FGF14: variants seen among roughly 807,000 people sequenced by gnomAD.
The protein encoded by FGF14 is fibroblast growth factor 14, also known as fibroblast growth factor homologous factor 4.
FGF14 carries 5 observed loss-of-function variants against 25.5 expected under a neutral mutation model. The observed-to-expected ratio is 0.20, with a 90% CI of 0.10 to 0.41. FGF14 has a LOEUF of 0.41. FGF14 is among the 10% of genes least tolerant of loss of function. FGF14 has a pLI of 1.00. For synonymous variants in FGF14, 138 were observed against 118.3 expected (o/e 1.17, Z -1.08); for missense variants, 222 against 320.1 (o/e 0.69, Z 2.34).
intron 1 of FGF14, among the ~76,000 whole-genome samples, chr13:102,061,706 CAT>C (rs1478422999): frequency 1.3e-5 from 2 of 152,204 alleles, no homozygotes; most frequent in Non-Finnish European, 2.9e-5. Flanking sequence ...AGAACTGACA[CAT>C]GTGGCCTCCA....
intron 1 of FGF14, among the ~76,000 whole-genome samples, chr13:102,206,376 TTCTTA>T (rs773529853): frequency 6.6e-6 from 1 of 152,126 alleles, no homozygotes; most frequent in African/African-American, 2.4e-5. Context: ...AAAAGAATCT[TTCTTA>T]AAATTATATT....
intron 1 of FGF14, among the ~76,000 whole-genome samples, chr13:101,925,788 C>T (rs186285019): frequency 1.3e-5 from 2 of 152,294 alleles, no homozygotes; most frequent in Admixed American, 1.3e-4. Flanking sequence ...CACATTTATT[C>T]TCTTCCAGTT....
intron 3 of FGF14, among the ~76,000 whole-genome samples, chr13:101,806,475 T>A (rs4772415): frequency 0.9 from 135,461 of 150,100 alleles, 61,495 homozygotes; most frequent in Non-Finnish European, 0.96. Context: ...ATTGAGAAAA[T>A]TTTTTTTTTT....
chr13:102,286,515 C>A (rs1240161731), intron 1 of FGF14, among the ~76,000 whole-genome samples: 2 of 152,192 alleles, frequency 1.3e-5, no homozygotes, highest in Non-Finnish European at 2.9e-5. Context: ...TGTAGTATTA[C>A]TTCTCTCTAT....
At chr13:102,081,911 A>G (rs1433384114) in intron 1 of FGF14, among the ~76,000 whole-genome samples, 2 of 152,230 alleles carry the variant, frequency 1.3e-5, no homozygotes, top group Admixed American at 6.5e-5. Flanking sequence ...TAGTTTCTAT[A>G]AATGGAATCA....
chr13:101,938,435 T>A, intron 1 of FGF14, among the ~76,000 whole-genome samples: 1 of 152,206 alleles, frequency 6.6e-6, no homozygotes, highest in East Asian at 1.9e-4. Flanking sequence ...TTTCCTCAGC[T>A]TTTATCTTGA....
intron 1 of FGF14, among the ~76,000 whole-genome samples, chr13:102,052,742 G>A (rs2042269530): frequency 6.6e-6 from 1 of 152,068 alleles, no homozygotes; most frequent in South Asian, 2.1e-4. Flanking sequence ...AGTTGAGGAA[G>A]TTCATAATCA....
intron 1 of FGF14, among the ~76,000 whole-genome samples, chr13:102,368,815 T>C (rs2057790921): frequency 6.6e-6 from 1 of 152,220 alleles, no homozygotes; most frequent in South Asian, 2.1e-4. Context: ...AGGTCTTTTG[T>C]CCCATGAAAG....
intron 1 of FGF14, among the ~76,000 whole-genome samples, chr13:101,905,852 T>C (rs376806612): frequency 1.5e-4 from 23 of 152,238 alleles, no homozygotes; most frequent in East Asian, 1.2e-3. Context: ...CTGTACCCCA[T>C]ATTTGTCAGA....
At chr13:101,818,134 C>A (rs1187955960) in intron 3 of FGF14, among the ~76,000 whole-genome samples, 1 of 152,170 alleles carries the variant, frequency 6.6e-6, no homozygotes, top group Non-Finnish European at 1.5e-5. Flanking sequence ...CCTGCAGACA[C>A]GTGAAACCTT....
chr13:102,278,308 TC>T (rs2053643272), intron 1 of FGF14, among the ~76,000 whole-genome samples: 1 of 152,182 alleles, frequency 6.6e-6, no homozygotes, highest in Non-Finnish European at 1.5e-5. Context: ...GGCATCCATC[TC>T]CTGAGGCTCA....
At chr13:102,122,887 A>G (rs2045791214) in intron 1 of FGF14, among the ~76,000 whole-genome samples, 1 of 152,188 alleles carries the variant, frequency 6.6e-6, no homozygotes, top group Non-Finnish European at 1.5e-5. Context: ...GCTGAAGAGA[A>G]AGTGTAAAAA....
intron 1 of FGF14, among the ~76,000 whole-genome samples, chr13:102,125,697 CT>C (rs1594056784): frequency 6.6e-6 from 1 of 152,208 alleles, no homozygotes; most frequent in East Asian, 1.9e-4. Flanking sequence ...AAATTATTGA[CT>C]TTTTCTGTTT....
intron 1 of FGF14, among the ~76,000 whole-genome samples, chr13:101,884,911 C>T (rs557697214): frequency 5.3e-5 from 8 of 152,002 alleles, no homozygotes; most frequent in African/African-American, 9.6e-5. Flanking sequence ...GTATGGCAAA[C>T]GCTGCCCCTT....
At chr13:102,121,113 T>C (rs964674857) in intron 1 of FGF14, among the ~76,000 whole-genome samples, 6 of 152,180 alleles carry the variant, frequency 3.9e-5, no homozygotes, top group African/African-American at 1.4e-4. Flanking sequence ...AGTCCCTATT[T>C]TTCCACAACT....
At chr13:102,161,580 G>GAA in intron 1 of FGF14, among the ~76,000 whole-genome samples, 1 of 3,528 alleles carries the variant, frequency 2.8e-4, no homozygotes, top group Non-Finnish European at 5.9e-4. Flanking sequence ...AAAGAAAGAA[G>GAA]AAGAAGAAGA....
chr13:101,835,280 A>G (rs937794967), intron 3 of FGF14, among the ~76,000 whole-genome samples: 1 of 151,796 alleles, frequency 6.6e-6, no homozygotes, highest in African/African-American at 2.4e-5. Context: ...GGAAAGAGAG[A>G]GATTGATTTA....
chr13:101,865,918 C>T (rs1208709032), intron 3 of FGF14, among the ~76,000 whole-genome samples: 1 of 152,054 alleles, frequency 6.6e-6, no homozygotes, highest in Admixed American at 6.6e-5. Context: ...CTTCATTTGT[C>T]TGATTTAAAT....
intron 1 of FGF14, among the ~76,000 whole-genome samples, chr13:102,382,513 A>T (rs2058207598): frequency 6.6e-6 from 1 of 152,128 alleles, no homozygotes; most frequent in Admixed American, 6.5e-5. Flanking sequence ...GAACCCTCAT[A>T]CATTGCTAGA....
Sources: allele counts gnomAD v4.1 joint callset (sites outside exome capture counted in the v4.1 genomes callset), GRCh38; gene constraint gnomAD v4.1.1; transcripts MANE v1.5; gene names NCBI Gene and HGNC (gene_info 2026-07-23, HGNC 2026-07-21).